Variants in NEB observed in about 807,000 individuals in gnomAD.
The protein encoded by NEB is nemaline myopathy type 2.
A neutral mutation model predicts 952.2 loss-of-function variants in NEB; 512 were observed. That is an observed-to-expected ratio of 0.54 (90% confidence interval 0.50 to 0.58). The LOEUF (loss-of-function observed/expected upper bound fraction) is 0.58, where lower values mean the gene tolerates loss of function less well. Among genes scored for constraint, NEB ranks in the 20% least tolerant of loss-of-function variants. NEB has a pLI of 0.00. For missense variants in NEB, 8,428 were observed against 9,231.1 expected, an observed-to-expected ratio of 0.91 and a Z score of 3.56; for synonymous variants, 2,900 against 3,149.8, an observed-to-expected ratio of 0.92 and a Z score of 2.66.
At chr2:151,687,090 T>A (rs537183497) in intron 27 of NEB, among the ~76,000 whole-genome samples, 2 of 152,324 alleles carry the variant, frequency 1.3e-5, no homozygotes, top group African/African-American at 4.8e-5. Flanking sequence ...ATTATCATTT[T>A]AAAAATTGTT....
chr2:151,665,003 C>A, intron 42 of NEB, 140 bp from the exon 43 acceptor site: 1 of 700,336 alleles, frequency 1.4e-6, no homozygotes, highest in Admixed American at 3.0e-5. Flanking sequence ...AAAAGATGGG[C>A]CAAGTAAACT....
intron 106 of NEB, 142 bp downstream of exon 106, chr2:151,576,009 G>T: frequency 1.3e-6 from 1 of 763,180 alleles, no homozygotes; most frequent in Non-Finnish European, 2.1e-6. Context: ...AAATTAATAA[G>T]CAAACCAAGA....
intron 28 of NEB, among the ~76,000 whole-genome samples, chr2:151,684,012 T>C (rs1185569395): frequency 6.6e-6 from 1 of 152,162 alleles, no homozygotes; most frequent in East Asian, 1.9e-4. Flanking sequence ...TATCTAGGGT[T>C]AGTCAAACTT....
intron 39 of NEB, among the ~76,000 whole-genome samples, chr2:151,668,313 T>C (rs1384858231): frequency 1.3e-5 from 2 of 152,156 alleles, no homozygotes; most frequent in Admixed American, 6.5e-5. Context: ...ATATGAATAC[T>C]AAAACTAAAA....
rs529017806 is a variant in NEB at position 151,542,611 on chromosome 2, C to T, written c.20578-1060G>A. Among the ~76,000 whole-genome samples, 13 of 152,202 alleles carry T rather than the reference C, an allele frequency of 8.5e-5. No homozygotes were observed. In the South Asian group the frequency reaches 2.5e-3, roughly 29 times the overall value. On this transcript the variant is annotated intron_variant, in intron 135 of 181. Coordinates refer to ENST00000397345, the MANE Select transcript of NEB (RefSeq NM_001164508.2). ...TCCTACATCAAAATGGTCATGAATC[C>T]TGGGCTCCTCACTTTGTGATATTCC...
At chr2:151,623,005 G>A (rs1475476319) in intron 71 of NEB, among the ~76,000 whole-genome samples, 1 of 152,146 alleles carries the variant, frequency 6.6e-6, no homozygotes, top group Admixed American at 6.5e-5. Context: ...TTCTTGGGCA[G>A]ATAATTTAGA....
chr2:151,706,494 G>A lies in NEB; in HGVS notation c.1152+387C>T, dbSNP rs60597794. ...AGGGGCCCATCTTTTAAGTTCTGTT[G>A]TTGGCAAATGATGGTTTCTGGGGCC... On this transcript the variant is annotated intron_variant, in intron 13 of 181. Transcript: ENST00000397345. 5.9e-5 allele frequency among the ~76,000 whole-genome samples: 9 copies of A among 152,272 alleles called. No individual in the cohort carries two copies. In the East Asian group the frequency reaches 1.4e-3, roughly 23 times the overall value.
At chr2:151,730,815 G>A (rs1208891188) in intron 3 of NEB, among the ~76,000 whole-genome samples, 2 of 151,948 alleles carry the variant, frequency 1.3e-5, no homozygotes, top group African/African-American at 4.8e-5. Context: ...TTTCACCTGC[G>A]TTAACAATCG....
At chr2:151,539,812 T>C (rs1332982356) in intron 138 of NEB, among the ~76,000 whole-genome samples, 4 of 152,210 alleles carry the variant, frequency 2.6e-5, no homozygotes, top group Non-Finnish European at 2.9e-5. Flanking sequence ...ATGATCTATA[T>C]GCAATTAAGA....
chr2:151,667,856 G>A lies in NEB; in HGVS notation c.4667C>T (p.Pro1556Leu). The change falls in exon 40 of 182, where the codon CCA becomes CTA. Residue 1556 changes from proline to leucine, a missense_variant. Physicochemically the swap from Pro to Leu is moderately conservative, Grantham distance 98. Around this residue, in one of 11 missense-constraint regions of NEB, gnomAD observed 2,851 missense variants for 2,791.5 expected, o/e 1.02. Coordinates refer to ENST00000397345, the MANE Select transcript of NEB (RefSeq NM_001164508.2). ...KTIAKGYDLRPDAIPIVAAKS... is the reference protein window; with the variant it reads ...KTIAKGYDLRLDAIPIVAAKS... ...TGCAGCAACAATTGGGATGGCATCT[G>A]GTCTCAAATCATAGCCCTTGGCAAT... 5 of 1,612,834 alleles carry A rather than the reference G, an allele frequency of 3.1e-6. No individual in the cohort carries two copies. The South Asian group carries it at 5.5e-5, about 18-fold the overall frequency.
Position 151,697,527 on chromosome 2 carries a change from A to C in NEB, c.1257+17T>G. On this transcript the variant is annotated intron_variant, in intron 14 of 181. Coordinates refer to ENST00000397345, the MANE Select transcript of NEB (RefSeq NM_001164508.2). ...GGTTCTTTTTTTAACAGAAAGAGTG[A>C]CAGTAGGATTGCTTACATCACTACT... is the stretch of plus-strand genomic sequence containing the variant. 2 of 1,605,208 alleles carry C rather than the reference A, an allele frequency of 1.2e-6. No individual in the cohort carries two copies. Among genetic ancestry groups the C allele is most frequent in the Non-Finnish European group, 1.7e-6 (2 of 1,173,218 alleles).
Position 151,618,358 on chromosome 2 carries a change from G to A in NEB, c.10993C>T (p.Arg3665Cys), listed in dbSNP as rs766254214. The A allele has an allele frequency of 7.4e-6, 12 of 1,613,828 alleles. No individual in the cohort carries two copies. Among genetic ancestry groups the A allele is most frequent in the South Asian group, 3.3e-5 (3 of 91,080 alleles). ...ELLSDTIYRQ[R>C]PETLKFTSIT... Reference sequence around the variant, plus strand: ...CTGGTAAATTTCAGCGTTTCTGGACGCTGACGGTAGATAGTATCACTAAGT... The same window carrying A: ...CTGGTAAATTTCAGCGTTTCTGGACACTGACGGTAGATAGTATCACTAAGT... The change falls in exon 74 of 182, where the codon CGT becomes TGT. Residue 3665 changes from arginine to cysteine, a missense_variant. Physicochemically the swap from Arg to Cys is radical, Grantham distance 180. Transcript: ENST00000397345.
chr2:151,619,837 T>C, intron 72 of NEB, 75 bp from the exon 73 acceptor site: 1 of 1,454,652 alleles, frequency 6.9e-7, no homozygotes, highest in Non-Finnish European at 9.3e-7. Context: ...TGGTGGTGCT[T>C]TCTATGAAAT....
chr2:151,518,746 A>G (rs893753400), intron 155 of NEB, among the ~76,000 whole-genome samples: 1 of 152,174 alleles, frequency 6.6e-6, no homozygotes, highest in Non-Finnish European at 1.5e-5. Context: ...AAGTTTAAAT[A>G]TTTTTTAAAA....
chr2:151,560,634 C>T lies in NEB; in HGVS notation c.19272G>A (p.Leu6424=), dbSNP rs772134778. The T allele has an allele frequency of 7.4e-6, 12 of 1,612,686 alleles. No individual in the cohort carries two copies. The South Asian group carries it at 1.3e-4, about 18-fold the overall frequency. The change falls in exon 124 of 182, where the codon TTG becomes TTA. Residue 6424 remains leucine, a synonymous_variant. Coordinates refer to ENST00000397345, the MANE Select transcript of NEB (RefSeq NM_001164508.2). ...TCTGGTTCTTGGCGTGTGTCAGGGACAAGGTGCTGGAAGGCAGGATGTAGC... is the reference window on the plus strand; with the variant it reads ...TCTGGTTCTTGGCGTGTGTCAGGGATAAGGTGCTGGAAGGCAGGATGTAGC... ...ATSYILPSST[L]SLTHAKNQKH... is the part of the protein sequence containing the mutation.
chr2:151,500,603 T>TC (rs2063718307), intron 168 of NEB, among the ~76,000 whole-genome samples: 1 of 148,760 alleles, frequency 6.7e-6, no homozygotes, highest in African/African-American at 2.5e-5. Flanking sequence ...CTTTTTTTTT[T>TC]TTTTTTTTTT....
chr2:151,519,612 T>C, intron 154 of NEB, 46 bp downstream of exon 154: 16 of 1,394,476 alleles, frequency 1.1e-5, no homozygotes, highest in Non-Finnish European at 1.5e-5. Context: ...ACAGTTAAAA[T>C]GGCAAATACC....
chr2:151,636,537 T>C (rs1267509255), intron 63 of NEB, among the ~76,000 whole-genome samples: 3 of 152,196 alleles, frequency 2.0e-5, no homozygotes, highest in African/African-American at 7.2e-5. Context: ...CCCAGCACTT[T>C]GGGAGGCAGA....
At chr2:151,544,191 A>G (rs7563568) in intron 135 of NEB, among the ~76,000 whole-genome samples, 96,610 of 152,046 alleles carry the variant, frequency 0.64, 30,983 homozygotes, top group East Asian at 0.78. Flanking sequence ...GTGCTGATGC[A>G]CAACTTGCCC....
Sources: gnomAD v4.1 joint callset for allele counts (sites outside exome capture counted in the v4.1 genomes callset) on GRCh38, gnomAD v4.1.1 for gene constraint, gnomAD v4.1.1 regional missense constraint, MANE v1.5 for transcripts, NCBI Gene and HGNC (gene_info 2026-07-23, HGNC 2026-07-21) for gene names.